TCERG1: variants seen among roughly 807,000 people sequenced by gnomAD.
TCERG1 encodes the protein transcription elongation regulator 1, also known as TATA box binding protein (TBP)-associated factor, RNA polymerase II, S, 150kD.
TCERG1 carries 37 observed loss-of-function variants against 144.7 expected under a neutral mutation model. That is an observed-to-expected ratio of 0.26 (90% CI 0.20 to 0.34). The LOEUF (loss-of-function observed/expected upper bound fraction) is 0.34. Among genes scored for constraint, TCERG1 ranks in the 10% least tolerant of loss-of-function variants. TCERG1 has a pLI of 1.00. For missense variants in TCERG1, 1,027 were observed against 1,380.7 expected (o/e 0.74, Z 4.06); for synonymous variants, 492 against 458.2 (o/e 1.07, Z -0.94).
chr5:146,469,765 C>T, intron 7 of TCERG1, 21 bp downstream of exon 7: 1 of 1,508,148 alleles, frequency 6.6e-7, no homozygotes, highest in Non-Finnish European at 8.9e-7. Context: ...GTTTTAATGA[C>T]TTGGAAAGTA....
At position 146,498,560 on chromosome 5, in the gene TCERG1, C is replaced by T. The variant is rs1403277444; in HGVS notation, c.2307C>T (p.Ala769=). The T allele has an allele frequency of 1.2e-6, 2 of 1,603,638 alleles. No individual in the cohort carries two copies. Among genetic ancestry groups the T allele is most frequent in the Non-Finnish European group, 1.7e-6 (2 of 1,176,246 alleles). ...GAGCAACTTTTAGTGAATTTGCAGC[C>T]AAGCATGCTAAAGATTCAAGATTCA... ...NPRATFSEFA[A]KHAKDSRFKA... Residue 769 remains alanine (A), a synonymous_variant, in exon 17 of 23, where the codon GCC becomes GCT. Transcript: ENST00000679501.
chr5:146,506,201 A>G (rs536172486), intron 19 of TCERG1, among the ~76,000 whole-genome samples: 8 of 152,246 alleles, frequency 5.3e-5, no homozygotes, highest in Admixed American at 1.3e-4. Context: ...TGGTTAAATA[A>G]ATGTTTTTGT....
intron 16 of TCERG1, among the ~76,000 whole-genome samples, chr5:146,497,887 C>T (rs1022116902): frequency 6.6e-6 from 1 of 152,110 alleles, no homozygotes; most frequent in Non-Finnish European, 1.5e-5. Context: ...AGTGATCTTT[C>T]CCTGCTGTTA....
At chr5:146,469,414 A>AT (rs1764089985) in intron 6 of TCERG1, 130 bp from the exon 7 acceptor site, 1 of 698,020 alleles carries the variant, frequency 1.4e-6, no homozygotes, top group Non-Finnish European at 2.2e-6. Flanking sequence ...TTTTTATATG[A>AT]TTTTTGTTTT....
intron 9 of TCERG1, among the ~76,000 whole-genome samples, chr5:146,477,603 A>C (rs9986288): frequency 0.13 from 18,379 of 146,434 alleles, 2,239 homozygotes; most frequent in East Asian, 0.71. Flanking sequence ...TTTTCCTTTG[A>C]GTTTTCTAAC....
At chr5:146,468,769 T>C (rs1764015904) in intron 6 of TCERG1, among the ~76,000 whole-genome samples, 1 of 152,194 alleles carries the variant, frequency 6.6e-6, no homozygotes, top group South Asian at 2.1e-4. Context: ...TATGCTTGCA[T>C]GCTAGTGAGT....
intron 15 of TCERG1, among the ~76,000 whole-genome samples, chr5:146,487,597 T>A (rs1040941162): frequency 3.3e-5 from 5 of 151,990 alleles, no homozygotes; most frequent in Admixed American, 2.0e-4. Flanking sequence ...TAGCCAGGTG[T>A]GGTGTCGTGC....
intron 15 of TCERG1, among the ~76,000 whole-genome samples, chr5:146,485,844 A>G: frequency 6.6e-6 from 1 of 152,106 alleles, no homozygotes; most frequent in Non-Finnish European, 1.5e-5. Flanking sequence ...ACAAGCGTGC[A>G]CCACCATGCC....
In TCERG1 at chr5:146,480,092, G is replaced by C. The variant is rs771729380; in HGVS notation, c.1884G>C (p.Arg628=). 2.2e-5 allele frequency: 35 copies of C among 1,592,472 alleles called. No homozygotes were observed. Among genetic ancestry groups the C allele is most frequent in the Non-Finnish European group, 2.7e-5 (32 of 1,169,910 alleles). Residue 628 remains arginine (R), a splice_region_variant and synonymous_variant, in exon 12 of 23, where the codon CGG becomes CGC. Coordinates refer to ENST00000679501, the MANE Select transcript of TCERG1 (RefSeq NM_001382548.1). ...ATGAGCCTGTTAAAGCAAAAAAACG[G>C]AAGTAAGTAATACATACGATTTGAT... is the stretch of plus-strand genomic sequence containing the variant. ...NEDEPVKAKK[R]KRMSKKSFMW...
intron 15 of TCERG1, among the ~76,000 whole-genome samples, chr5:146,490,868 T>A (rs1766342597): frequency 6.6e-6 from 1 of 152,130 alleles, no homozygotes; most frequent in African/African-American, 2.4e-5. Flanking sequence ...TTCCTTGCCT[T>A]TATTAACCAA....
intron 16 of TCERG1, among the ~76,000 whole-genome samples, chr5:146,494,090 G>A (rs1448806975): frequency 6.6e-6 from 1 of 152,116 alleles, no homozygotes; most frequent in African/African-American, 2.4e-5. Flanking sequence ...TTCAGGGGTA[G>A]TAGAGGTTCA....
chr5:146,463,844 G>T (rs761548735), intron 5 of TCERG1, 51 bp downstream of exon 5: 2 of 1,608,782 alleles, frequency 1.2e-6, no homozygotes, highest in Non-Finnish European at 1.7e-6. Context: ...CATATTGTCA[G>T]TTAGTTTGTT....
At position 146,463,694 on chromosome 5, in the gene TCERG1, C is replaced by T; in HGVS notation, c.1036C>T (p.His346Tyr). 1 of 1,614,242 alleles carries T rather than the reference C, an allele frequency of 6.2e-7. No homozygotes were observed. The highest frequency in any genetic ancestry group is 8.5e-7 in the Non-Finnish European group (1 of 1,180,050). ...TCAGACGTTACCTCCTGCTGTTCCT[C>T]ATTCAGTACCTCAGCCAACAACAGC... The part of the protein sequence containing the change: ...HPQTLPPAVP[H>Y]SVPQPTTAIP... Residue 346 changes from histidine to tyrosine, a missense_variant, in exon 5 of 23, where the codon CAT becomes TAT. By Grantham distance (83) the His-to-Tyr change is moderately conservative. Around this residue, in one of 6 missense-constraint regions of TCERG1, gnomAD observed 187 missense variants for 169.1 expected, o/e 1.11. Transcript: ENST00000679501.
chr5:146,465,912 CG>C (rs1176587777), intron 5 of TCERG1, among the ~76,000 whole-genome samples: 1 of 150,706 alleles, frequency 6.6e-6, no homozygotes, highest in Non-Finnish European at 1.5e-5. Context: ...CCCAGCTACT[CG>C]GGAGGCTGAG....
chr5:146,490,886 G>A (rs1160473169), intron 15 of TCERG1, among the ~76,000 whole-genome samples: 1 of 151,806 alleles, frequency 6.6e-6, no homozygotes, highest in Non-Finnish European at 1.5e-5. Context: ...CAACTATTTA[G>A]ATTTTTAAAA....
intron 5 of TCERG1, among the ~76,000 whole-genome samples, chr5:146,465,278 G>A (rs1008051363): frequency 1.1e-4 from 17 of 152,154 alleles, no homozygotes; most frequent in African/African-American, 3.6e-4. Context: ...AGGAGTTGGG[G>A]TTGCTCATTT....
chr5:146,493,828 G>C (rs1766638866), intron 16 of TCERG1, among the ~76,000 whole-genome samples: 1 of 152,068 alleles, frequency 6.6e-6, no homozygotes, highest in African/African-American at 2.4e-5. Context: ...AGATGTAAGA[G>C]TAGTGGTATT....
At position 146,498,598 on chromosome 5, in the gene TCERG1, A is replaced by G; in HGVS notation, c.2345A>G (p.Lys782Arg). Reference sequence around the variant, plus strand: ...GATTCAAGATTCAAAGCAATTGAAAAGATGAAAGACCGAGAAGCCTTGTTT... The same window carrying G: ...GATTCAAGATTCAAAGCAATTGAAAGGATGAAAGACCGAGAAGCCTTGTTT... ...AKDSRFKAIE[K>R]MKDREALFNE... Residue 782 changes from lysine (K) to arginine (R), a missense_variant, in exon 17 of 23, where the codon AAG (lysine) becomes AGG (arginine). Lys to Arg is a conservative substitution (Grantham distance 26). Coordinates refer to ENST00000679501, the MANE Select transcript of TCERG1 (RefSeq NM_001382548.1). 6 of 1,611,658 alleles carry G rather than the reference A, an allele frequency of 3.7e-6. No individual in the cohort carries two copies. Among genetic ancestry groups the G allele is most frequent in the South Asian group, 1.1e-5 (1 of 90,546 alleles).
chr5:146,463,858 A>T (rs1295372722), intron 5 of TCERG1, 65 bp downstream of exon 5: 102 of 1,599,806 alleles, frequency 6.4e-5, no homozygotes, highest in Non-Finnish European at 8.5e-5. Flanking sequence ...GTTTGTTCTC[A>T]TGTGTCTGTT....
Sources: gnomAD v4.1 joint callset for allele counts (sites outside exome capture counted in the v4.1 genomes callset) on GRCh38, gnomAD v4.1.1 for gene constraint, gnomAD v4.1.1 regional missense constraint, MANE v1.5 for transcripts, NCBI Gene and HGNC (gene_info 2026-07-23, HGNC 2026-07-21) for gene names.